SOX5: variants seen among roughly 807,000 people sequenced by gnomAD.
SOX5 encodes SRY-box transcription factor 5, also known as transcription factor SOX-5.
In SOX5, 9 loss-of-function variants were observed where a neutral mutation model predicts 92.0. That is an observed-to-expected ratio of 0.10 (90% CI 0.06 to 0.17). SOX5 has a LOEUF of 0.17. Ranked by LOEUF, SOX5 falls within the 10% of genes least tolerant of loss-of-function variation. SOX5 has a pLI of 1.00. For missense variants in SOX5, 642 were observed against 944.5 expected (o/e 0.68, Z 4.20); for synonymous variants, 344 against 336.3 (o/e 1.02, Z -0.25).
At chr12:23,652,845 A>C (rs893518979) in intron 7 of SOX5, among the ~76,000 whole-genome samples, 2 of 152,120 alleles carry the variant, frequency 1.3e-5, no homozygotes, top group Non-Finnish European at 2.9e-5. Context: ...TCTAGTTTCC[A>C]GTAGCATTCA....
intron 1 of SOX5, among the ~76,000 whole-genome samples, chr12:24,512,074 A>C (rs1422813740): frequency 1.3e-5 from 2 of 152,214 alleles, no homozygotes; most frequent in African/African-American, 4.8e-5. Context: ...TTAAATCTAT[A>C]TTCCAATCAC....
At chr12:23,786,308 T>A (rs888319921) in intron 3 of SOX5, among the ~76,000 whole-genome samples, 1 of 151,996 alleles carries the variant, frequency 6.6e-6, no homozygotes, top group East Asian at 1.9e-4. Flanking sequence ...GTTCAAACTA[T>A]TGTATGTAGC....
chr12:24,283,068 A>C (rs1318137239), intron 2 of SOX5, among the ~76,000 whole-genome samples: 2 of 152,246 alleles, frequency 1.3e-5, no homozygotes, highest in Non-Finnish European at 2.9e-5. Context: ...ATATTAGTGC[A>C]TGTGCACTGA....
chr12:23,608,440 G>A (rs1377085960), intron 8 of SOX5, among the ~76,000 whole-genome samples: 1 of 151,988 alleles, frequency 6.6e-6, no homozygotes, highest in Non-Finnish European at 1.5e-5. Flanking sequence ...GTGTCTTCCT[G>A]GTACTCAAAG....
At chr12:23,961,584 A>G (rs2140018116) in intron 4 of SOX5, among the ~76,000 whole-genome samples, 1 of 152,220 alleles carries the variant, frequency 6.6e-6, no homozygotes, top group East Asian at 1.9e-4. Flanking sequence ...AGATTTGTTG[A>G]GGTATCACCC....
chr12:23,748,034 C>T (rs1448486859), intron 4 of SOX5, among the ~76,000 whole-genome samples: 5 of 151,514 alleles, frequency 3.3e-5, no homozygotes, highest in Non-Finnish European at 5.9e-5. Context: ...CTCGGAGGGC[C>T]TTCGCTGACC....
At chr12:24,508,721 A>T (rs553949857) in intron 1 of SOX5, among the ~76,000 whole-genome samples, 1 of 152,280 alleles carries the variant, frequency 6.6e-6, no homozygotes, top group East Asian at 1.9e-4. Flanking sequence ...TATAATAATC[A>T]CTAAATAAAT....
intron 4 of SOX5, among the ~76,000 whole-genome samples, chr12:24,153,272 C>CGT (rs1951839280): frequency 6.6e-6 from 1 of 152,082 alleles, no homozygotes; most frequent in Admixed American, 6.6e-5. Flanking sequence ...TGCCAGCCTG[C>CGT]GTGTGTCCTC....
intron 1 of SOX5, among the ~76,000 whole-genome samples, chr12:24,392,187 C>T (rs147749048): frequency 8.8e-4 from 134 of 152,250 alleles, no homozygotes; most frequent in African/African-American, 3.0e-3. Context: ...CCTCTCACTG[C>T]GCTATTGCAA....
At chr12:23,582,474 G>A (rs564336564) in intron 9 of SOX5, among the ~76,000 whole-genome samples, 40 of 152,128 alleles carry the variant, frequency 2.6e-4, no homozygotes, top group Middle Eastern at 3.4e-3. Context: ...AATCCTACTC[G>A]CGTAGCCATC....
intron 4 of SOX5, among the ~76,000 whole-genome samples, chr12:23,991,608 A>C (rs1233398036): frequency 6.6e-6 from 1 of 152,070 alleles, no homozygotes; most frequent in Non-Finnish European, 1.5e-5. Flanking sequence ...GCTATTTTGT[A>C]GATACCAAGA....
intron 3 of SOX5, among the ~76,000 whole-genome samples, chr12:24,256,594 C>A: frequency 7.0e-6 from 1 of 143,344 alleles, no homozygotes; most frequent in Non-Finnish European, 1.5e-5. Flanking sequence ...GCCTTTCTTT[C>A]ACCAAATTGG....
intron 1 of SOX5, among the ~76,000 whole-genome samples, chr12:24,466,580 T>C (rs1038670981): frequency 6.6e-6 from 1 of 152,214 alleles, no homozygotes; most frequent in Non-Finnish European, 1.5e-5. Context: ...GCCCACTAGT[T>C]GGCATGGAGT....
chr12:24,541,529 A>G (rs1409332246), intron 1 of SOX5, among the ~76,000 whole-genome samples: 3 of 152,174 alleles, frequency 2.0e-5, no homozygotes. Context: ...TAGCTGCCCT[A>G]CTTTCCTTTA....
intron 1 of SOX5, among the ~76,000 whole-genome samples, chr12:23,936,085 G>T (rs1226487040): frequency 1.3e-5 from 2 of 150,960 alleles, no homozygotes; most frequent in African/African-American, 4.8e-5. Flanking sequence ...TTATAACAGA[G>T]TCTGGCACAT....
At chr12:23,805,071 T>TA (rs962063386) in intron 3 of SOX5, among the ~76,000 whole-genome samples, 43 of 150,470 alleles carry the variant, frequency 2.9e-4, no homozygotes, top group African/African-American at 8.7e-4. Context: ...GACGTTTTTT[T>TA]AAAAAAATCT....
intron 3 of SOX5, among the ~76,000 whole-genome samples, chr12:24,274,854 T>C (rs937455718): frequency 1.1e-4 from 17 of 152,156 alleles, no homozygotes; most frequent in African/African-American, 3.6e-4. Flanking sequence ...TATACACAAG[T>C]TGTGCTTTGT....
intron 3 of SOX5, among the ~76,000 whole-genome samples, chr12:24,235,229 G>A (rs952911423): frequency 6.6e-6 from 1 of 152,126 alleles, no homozygotes; most frequent in Non-Finnish European, 1.5e-5. Flanking sequence ...GATGACATTA[G>A]AGCTATCTTA....
chr12:23,976,540 T>C (rs1948937526), intron 4 of SOX5, among the ~76,000 whole-genome samples: 1 of 151,610 alleles, frequency 6.6e-6, no homozygotes, highest in Non-Finnish European at 1.5e-5. Flanking sequence ...AAAAACTAAA[T>C]GAATATAACA....
Sources: allele counts gnomAD v4.1 joint callset (sites outside exome capture counted in the v4.1 genomes callset), GRCh38; gene constraint gnomAD v4.1.1; transcripts MANE v1.5; gene names NCBI Gene and HGNC (gene_info 2026-07-23, HGNC 2026-07-21).